The following SLC1A2 variants were observed in gnomAD, a reference collection of about 807,000 sequenced individuals.
SLC1A2 encodes the protein excitatory amino acid transporter 2.
Under a neutral mutation model 48.8 loss-of-function variants are expected in SLC1A2, and 15 were observed. The ratio of observed to expected loss-of-function variants is 0.31; its 90% CI spans 0.21 to 0.47. The LOEUF is 0.47. Among genes scored for constraint, SLC1A2 ranks in the 20% least tolerant of loss-of-function variants. The pLI, the probability that SLC1A2 is intolerant of heterozygous loss-of-function variation, is 0.99. For synonymous variants in SLC1A2, 279 were observed against 272.6 expected (o/e 1.02, Z -0.23); for missense variants, 502 against 730.5 (o/e 0.69, Z 3.61).
chr11:35,310,066 C>T (rs533311065), intron 4 of SLC1A2, among the ~76,000 whole-genome samples: 6 of 152,326 alleles, frequency 3.9e-5, no homozygotes, highest in African/African-American at 9.6e-5. Flanking sequence ...CAGCGCTCAC[C>T]GAGTGTGAGT....
At chr11:35,372,861 T>C (rs2135172097) in intron 1 of SLC1A2, among the ~76,000 whole-genome samples, 1 of 152,332 alleles carries the variant, frequency 6.6e-6, no homozygotes, top group East Asian at 1.9e-4. Context: ...GATTAATTCA[T>C]TTAATCCTTA....
At chr11:35,319,750 G>GT (rs1174981957) in intron 1 of SLC1A2, among the ~76,000 whole-genome samples, 1 of 152,128 alleles carries the variant, frequency 6.6e-6, no homozygotes, top group Non-Finnish European at 1.5e-5. Context: ...TTAATGGTTT[G>GT]TTTTTTAGGC....
At chr11:35,366,846 G>A (rs143948481) in intron 1 of SLC1A2, among the ~76,000 whole-genome samples, 5 of 152,236 alleles carry the variant, frequency 3.3e-5, no homozygotes, top group East Asian at 1.9e-4. Flanking sequence ...GCTTCAGCCC[G>A]GGTCCTAGGT....
chr11:35,382,551 T>G (rs983178055), intron 1 of SLC1A2, among the ~76,000 whole-genome samples: 1 of 152,240 alleles, frequency 6.6e-6, no homozygotes, highest in Non-Finnish European at 1.5e-5. Flanking sequence ...ATCCCAGCAC[T>G]TTGGGAGGCC....
At chr11:35,394,326 C>T (rs187511776) in intron 1 of SLC1A2, among the ~76,000 whole-genome samples, 5 of 152,258 alleles carry the variant, frequency 3.3e-5, no homozygotes, top group African/African-American at 9.6e-5. Flanking sequence ...CAGTCACCAC[C>T]GGGATCTGCC....
chr11:35,346,702 A>G (rs375557927), intron 1 of SLC1A2, among the ~76,000 whole-genome samples: 3 of 152,384 alleles, frequency 2.0e-5, no homozygotes, highest in African/African-American at 7.2e-5. Flanking sequence ...TCCTCTGCTC[A>G]TGGCACTTAT....
upstream of SLC1A2, chr11:35,419,946 C>T (rs747830337): frequency 4.3e-6 from 2 of 469,726 alleles, no homozygotes; most frequent in South Asian, 1.6e-5. The surrounding 1 kb of genome is among the most constrained non-coding windows in gnomAD (Gnocchi z 5.4). Context: ...CCCATCCTCC[C>T]ACGTCTGGGG....
At chr11:35,333,960 CA>C (rs1336827909) in intron 1 of SLC1A2, among the ~76,000 whole-genome samples, 1 of 151,600 alleles carries the variant, frequency 6.6e-6, no homozygotes, top group African/African-American at 2.4e-5. Flanking sequence ...ATTACAGGTG[CA>C]AGCCACTGCT....
At chr11:35,265,824 G>T in intron 9 of SLC1A2, 66 bp from the exon 10 acceptor site, 2 of 997,968 alleles carry the variant, frequency 2.0e-6, no homozygotes, top group Non-Finnish European at 3.1e-6. Flanking sequence ...AGAGGTCAAG[G>T]TCTGGAGTCA....
chr11:35,401,187 G>T (rs1157400769), intron 1 of SLC1A2, among the ~76,000 whole-genome samples: 1 of 152,074 alleles, frequency 6.6e-6, no homozygotes, highest in East Asian at 1.9e-4. Flanking sequence ...CAGAGAGAAT[G>T]GACTGTAAGT....
intron 1 of SLC1A2, among the ~76,000 whole-genome samples, chr11:35,371,776 C>T (rs182710972): frequency 1.1e-4 from 16 of 152,314 alleles, no homozygotes; most frequent in Middle Eastern, 3.4e-3. Flanking sequence ...GAACCCCAGG[C>T]CCCAACCAGA....
At chr11:35,395,766 G>A (rs546964193) in intron 1 of SLC1A2, among the ~76,000 whole-genome samples, 10 of 143,808 alleles carry the variant, frequency 7.0e-5, no homozygotes, top group East Asian at 4.2e-4. Flanking sequence ...GTGCTGGTGC[G>A]CTGCACCCAC....
intron 1 of SLC1A2, among the ~76,000 whole-genome samples, chr11:35,347,931 G>C (rs1452978354): frequency 6.6e-6 from 1 of 152,202 alleles, no homozygotes; most frequent in East Asian, 1.9e-4. Flanking sequence ...AAAGAAGCTG[G>C]TTGTTGTGAG....
At chr11:35,318,443 G>GA (rs927296454) in intron 1 of SLC1A2, among the ~76,000 whole-genome samples, 21 of 151,800 alleles carry the variant, frequency 1.4e-4, no homozygotes, top group Admixed American at 5.2e-4. Flanking sequence ...TTTGATAAAA[G>GA]AAAAAAAATA....
chr11:35,411,023 T>A (rs1018135880), intron 1 of SLC1A2, among the ~76,000 whole-genome samples: 8 of 152,214 alleles, frequency 5.3e-5, no homozygotes, highest in African/African-American at 1.9e-4. Context: ...GACTAATAGA[T>A]AATGAGTTCT....
At chr11:35,315,545 G>T (rs1249486201) in intron 2 of SLC1A2, 1 of 165,258 alleles carries the variant, frequency 6.1e-6, no homozygotes, top group Non-Finnish European at 1.3e-5. Flanking sequence ...TATAATCCCA[G>T]CACTTTGGGA....
chr11:35,338,212 G>C (rs182530432), intron 1 of SLC1A2, among the ~76,000 whole-genome samples: 32 of 152,316 alleles, frequency 2.1e-4, no homozygotes, highest in African/African-American at 7.0e-4. Context: ...TCCAAGAGCA[G>C]AGTTGAGTAA....
intron 1 of SLC1A2, among the ~76,000 whole-genome samples, chr11:35,366,597 A>G (rs113261300): frequency 6.6e-6 from 1 of 152,158 alleles, no homozygotes; most frequent in Non-Finnish European, 1.5e-5. Context: ...TTGATAACAC[A>G]TGTTCTCCTG....
chr11:35,312,487 C>T (rs764830860), intron 3 of SLC1A2, 39 bp from the exon 4 acceptor site: 43 of 1,606,936 alleles, frequency 2.7e-5, no homozygotes, highest in Non-Finnish European at 3.2e-5. Context: ...AATTCTATTA[C>T]GTTTGTGCTA....
Sources: allele counts gnomAD v4.1 joint callset (sites outside exome capture counted in the v4.1 genomes callset), GRCh38; gene constraint gnomAD v4.1.1; non-coding constraint Gnocchi (gnomAD v3.1); transcripts MANE v1.5; gene names NCBI Gene and HGNC (gene_info 2026-07-23, HGNC 2026-07-21).